Variants in PCDHA8 observed in about 807,000 individuals in gnomAD.
The protein encoded by PCDHA8 is protocadherin alpha 8.
A neutral mutation model predicts 61.8 loss-of-function variants in PCDHA8; 53 were observed. The ratio of observed to expected loss-of-function variants is 0.86; its 90% CI spans 0.69 to 1.08. PCDHA8 has a LOEUF of 1.08. Ranked by LOEUF, PCDHA8 falls within the 50% of genes least tolerant of loss-of-function variation. The pLI, the probability that PCDHA8 is intolerant of heterozygous loss-of-function variation, is 0.00. For missense variants in PCDHA8, 1,293 were observed against 1,245.0 expected (o/e 1.04, Z -0.58); for synonymous variants, 618 against 556.6 (o/e 1.11, Z -1.55).
intron 1 of PCDHA8, among the ~76,000 whole-genome samples, chr5:140,941,615 C>T (rs2093129027): frequency 6.6e-6 from 1 of 151,970 alleles, no homozygotes; most frequent in African/African-American, 2.4e-5. Context: ...GTGCCCAGCC[C>T]ATCCTGCTTC....
chr5:140,991,066 C>T (rs2097429810), intron 3 of PCDHA8, among the ~76,000 whole-genome samples: 2 of 152,122 alleles, frequency 1.3e-5, no homozygotes, highest in Non-Finnish European at 2.9e-5. Context: ...TTATTATTCC[C>T]ATGTTTCAGA....
chr5:140,994,209 A>G (rs2097604620), intron 3 of PCDHA8, among the ~76,000 whole-genome samples: 1 of 152,142 alleles, frequency 6.6e-6, no homozygotes, highest in Non-Finnish European at 1.5e-5. Flanking sequence ...CCAGAATGGG[A>G]CCCAGGGTCT....
At chr5:140,871,024 T>A (rs782482530) in intron 1 of PCDHA8, 2 of 1,613,076 alleles carry the variant, frequency 1.2e-6, no homozygotes, top group African/African-American at 1.3e-5. Flanking sequence ...CGAGGCAGAC[T>A]CGCCGCGCCA....
At chr5:140,985,151 A>G (rs1335001570) in intron 3 of PCDHA8, among the ~76,000 whole-genome samples, 3 of 152,092 alleles carry the variant, frequency 2.0e-5, no homozygotes, top group Admixed American at 2.0e-4. Flanking sequence ...GTTAGCCAGG[A>G]TTGTCTCAAT....
intron 1 of PCDHA8, among the ~76,000 whole-genome samples, chr5:140,918,196 G>T (rs978589409): frequency 7.9e-5 from 12 of 152,102 alleles, no homozygotes; most frequent in Non-Finnish European, 1.6e-4. Flanking sequence ...CCTCAGCTTG[G>T]ATGTTGTTGG....
rs2150340110 is a variant in PCDHA8, at chr5:140,842,596, A to G, written c.1275A>G (p.Val425=). Residue 425 remains valine (V), a synonymous_variant, in exon 1 of 4, where the codon GTA becomes GTG. Coordinates refer to ENST00000531613, the MANE Select transcript of PCDHA8 (RefSeq NM_018911.3). ...GAGTGTCGGCCTATGAGTTGGTGGTAACCGCGCGGGACGGGGGCTCGCCTT... is the reference window on the plus strand; with the variant it reads ...GAGTGTCGGCCTATGAGTTGGTGGTGACCGCGCGGGACGGGGGCTCGCCTT... ...RERVSAYELV[V]TARDGGSPSL... 5.2e-6 allele frequency: 8 copies of G among 1,537,682 alleles called. 1 individual carries two copies. Among genetic ancestry groups the G allele is most frequent in the South Asian group, 3.4e-5 (3 of 88,884 alleles).
intron 1 of PCDHA8, among the ~76,000 whole-genome samples, chr5:140,933,324 G>A (rs563163291): frequency 5.3e-5 from 8 of 151,904 alleles, no homozygotes; most frequent in Non-Finnish European, 1.2e-4. Context: ...GTATTCTCCT[G>A]TGCTGTAGAG....
chr5:140,858,784 T>C (rs1554152015), intron 1 of PCDHA8: 8 of 401,650 alleles, frequency 2.0e-5, no homozygotes, highest in Non-Finnish European at 3.6e-5. Context: ...TACTTCATGT[T>C]ATTTCATTTC....
intron 1 of PCDHA8, chr5:140,860,707 T>G (rs914346962): frequency 6.6e-6 from 1 of 152,220 alleles, no homozygotes; most frequent in Non-Finnish European, 1.5e-5. Context: ...ATTGTTGTTC[T>G]CCATGAAAAG....
chr5:140,990,808 C>G (rs537926285), intron 3 of PCDHA8, among the ~76,000 whole-genome samples: 18 of 152,212 alleles, frequency 1.2e-4, no homozygotes, highest in Non-Finnish European at 2.4e-4. Context: ...ACAGAAGAAG[C>G]TCCCTTCTCT....
At chr5:140,915,083 C>T in intron 1 of PCDHA8, among the ~76,000 whole-genome samples, 1 of 151,628 alleles carries the variant, frequency 6.6e-6, no homozygotes, top group East Asian at 1.9e-4. Flanking sequence ...GTAGCTGGGA[C>T]TATGGGCACG....
At chr5:140,844,640 A>G (rs1166364249) in intron 1 of PCDHA8, among the ~76,000 whole-genome samples, 4 of 149,532 alleles carry the variant, frequency 2.7e-5, no homozygotes, top group Non-Finnish European at 4.5e-5. Flanking sequence ...ATACATGATA[A>G]TTTCATTCTT....
At chr5:140,979,244 T>C (rs1214932523) in intron 2 of PCDHA8, among the ~76,000 whole-genome samples, 1 of 152,224 alleles carries the variant, frequency 6.6e-6, no homozygotes, top group African/African-American at 2.4e-5. Context: ...AGAAACAGGC[T>C]GCTATGTATT....
At chr5:140,853,555 G>A in intron 1 of PCDHA8, 1 of 980,632 alleles carries the variant, frequency 1.0e-6, no homozygotes, top group Non-Finnish European at 1.2e-6. Context: ...TTACTATATA[G>A]GAAAAACTAA....
At chr5:140,868,592 C>T (rs1294333400) in intron 1 of PCDHA8, 1 of 152,974 alleles carries the variant, frequency 6.5e-6, no homozygotes, top group Non-Finnish European at 1.5e-5. Context: ...ATGTTTAACC[C>T]TAGTTTTTCA....
chr5:140,941,255 C>CTTTCTTTCTTTCTTTCTTTCTT (rs782490896), intron 1 of PCDHA8, among the ~76,000 whole-genome samples: 2 of 44,508 alleles, frequency 4.5e-5, no homozygotes, highest in African/African-American at 1.4e-4. Context: ...TTCTTTCTTT[C>CTTTCTTTCTTTCTTTCTTTCTT]TCTTTCTTTC....
At chr5:140,989,437 A>G (rs1330784508) in intron 3 of PCDHA8, among the ~76,000 whole-genome samples, 1 of 152,138 alleles carries the variant, frequency 6.6e-6, no homozygotes, top group East Asian at 1.9e-4. Flanking sequence ...AAAATTGCTG[A>G]GGTTGTTTAG....
chr5:140,911,165 G>A (rs931843921), intron 1 of PCDHA8, among the ~76,000 whole-genome samples: 3 of 152,178 alleles, frequency 2.0e-5, no homozygotes, highest in Non-Finnish European at 4.4e-5. Context: ...AATGTGGAAA[G>A]GCTGATGGCA....
chr5:140,875,603 T>C (rs2055641899), intron 1 of PCDHA8: 1 of 1,613,724 alleles, frequency 6.2e-7, no homozygotes, highest in Admixed American at 1.7e-5. Context: ...CACGGCACCT[T>C]CGTGGGCCGC....
Sources: allele counts gnomAD v4.1 joint callset (sites outside exome capture counted in the v4.1 genomes callset), GRCh38; gene constraint gnomAD v4.1.1; transcripts MANE v1.5; gene names NCBI Gene and HGNC (gene_info 2026-07-23, HGNC 2026-07-21).